FIGN: variants seen among roughly 807,000 people sequenced by gnomAD.
FIGN encodes the protein fidgetin, microtubule severing factor.
A neutral mutation model predicts 51.3 loss-of-function variants in FIGN; 11 were observed. That is an observed-to-expected ratio of 0.21 (90% CI 0.13 to 0.35). The LOEUF (loss-of-function observed/expected upper bound fraction) is 0.35. Ranked by LOEUF, FIGN falls within the 10% of genes least tolerant of loss-of-function variation. FIGN has a pLI of 1.00. For missense variants in FIGN, 857 were observed against 943.6 expected, an observed-to-expected ratio of 0.91 and a Z score of 1.20; for synonymous variants, 407 against 363.2, an observed-to-expected ratio of 1.12 and a Z score of -1.37.
At chr2:163,676,450 T>C (rs1172210961) in intron 2 of FIGN, among the ~76,000 whole-genome samples, 4 of 71,506 alleles carry the variant, frequency 5.6e-5, no homozygotes, top group African/African-American at 1.2e-4. Context: ...TATATATATA[T>C]ATATATATAT....
chr2:163,727,161 A>G (rs544594555), intron 2 of FIGN, among the ~76,000 whole-genome samples: 3 of 152,244 alleles, frequency 2.0e-5, no homozygotes, highest in Admixed American at 2.0e-4. Flanking sequence ...GCACAACAAT[A>G]TACTATATTG....
intron 2 of FIGN, among the ~76,000 whole-genome samples, chr2:163,685,759 TGGA>T (rs2105341919): frequency 6.6e-6 from 1 of 152,318 alleles, no homozygotes; most frequent in Non-Finnish European, 1.5e-5. Flanking sequence ...ACAGTGTTAC[TGGA>T]GGAATAACTA....
In FIGN at chr2:163,734,887, T is replaced by C. The variant is rs1464520109; in HGVS notation, c.25+16A>G. On this transcript the variant is annotated intron_variant, in intron 2 of 2. Transcript: ENST00000333129. ...CTATTTAGATGCAAAGGAAGTAAAT[T>C]CCAAAACTGACATACCATAAACACT... 6.2e-7 allele frequency: 1 copy of C among 1,602,588 alleles called. No homozygotes were observed.
intron 2 of FIGN, among the ~76,000 whole-genome samples, chr2:163,709,008 C>T (rs1327538896): frequency 6.6e-6 from 1 of 151,586 alleles, no homozygotes; most frequent in Non-Finnish European, 1.5e-5. Context: ...CCTGAAGAGT[C>T]TAAGGTACCG....
At position 163,735,124 on chromosome 2, in the gene FIGN, A is replaced by G. The variant is rs1684994288; in HGVS notation, c.-145-52T>C. The G allele has an allele frequency of 9.1e-6, 5 of 551,830 alleles. No homozygotes were observed. The South Asian group carries it at 1.2e-4, about 13-fold the overall frequency. 34.2% of individuals were successfully genotyped at this position (551,830 alleles called of 1,614,324 possible). A position where few individuals can be genotyped will look rare whatever the true frequency, so the allele number is the denominator to read the frequency against. ...GCAACATCAACAAAAAGGGGATCTC[A>G]GATCACAGGAGAAGAAAGAAAGGAA... On this transcript the variant is annotated intron_variant, in intron 1 of 2. Coordinates refer to ENST00000333129, the MANE Select transcript of FIGN (RefSeq NM_018086.4).
Position 163,610,380 on chromosome 2 carries a change from G to T in FIGN, c.1452C>A (p.Asp484Glu). 1.9e-6 allele frequency: 3 copies of T among 1,614,156 alleles called. No individual in the cohort carries two copies. The highest frequency in any genetic ancestry group is 1.7e-6 in the Non-Finnish European group (2 of 1,180,022). ...NEIITQGPPVDWNDIAGLDLV... is the reference protein window; with the variant it reads ...NEIITQGPPVEWNDIAGLDLV... ...GGTCGAGACCAGCAATGTCATTCCA[G>T]TCCACTGGAGGTCCTTGGGTGATAA... Residue 484 changes from aspartate to glutamate, a missense_variant, in exon 3 of 3, where the codon GAC (aspartate) becomes GAA (glutamate). This residue lies in a region of FIGN where 799 missense variants were observed against 849.5 expected (regional missense o/e 0.94). Coordinates refer to ENST00000333129, the MANE Select transcript of FIGN (RefSeq NM_018086.4).
At chr2:163,661,261 A>G (rs1191224245) in intron 2 of FIGN, among the ~76,000 whole-genome samples, 2 of 151,300 alleles carry the variant, frequency 1.3e-5, no homozygotes, top group African/African-American at 2.4e-5. Context: ...ATTTTTTGAG[A>G]CAGAGTCTCA....
At chr2:163,706,152 A>G (rs1014801466) in intron 2 of FIGN, among the ~76,000 whole-genome samples, 10 of 152,164 alleles carry the variant, frequency 6.6e-5, no homozygotes, top group African/African-American at 2.4e-4. Context: ...GTTAAATGCT[A>G]CGCAAATTTA....
At chr2:163,735,587 C>T (rs1391130632) in intron 1 of FIGN, among the ~76,000 whole-genome samples, 1 of 152,212 alleles carries the variant, frequency 6.6e-6, no homozygotes, top group Non-Finnish European at 1.5e-5. Context: ...ATCGCGAACT[C>T]TTAATCCCAT....
chr2:163,705,613 C>G (rs1684487320), intron 2 of FIGN, among the ~76,000 whole-genome samples: 1 of 151,442 alleles, frequency 6.6e-6, no homozygotes, highest in South Asian at 2.1e-4. Flanking sequence ...ACTATGTAAA[C>G]TCTATTTTAT....
intron 2 of FIGN, among the ~76,000 whole-genome samples, chr2:163,645,831 T>C (rs1034003567): frequency 6.6e-6 from 1 of 152,142 alleles, no homozygotes; most frequent in Non-Finnish European, 1.5e-5. Context: ...AGAAAGTATA[T>C]ACTGGTCATT....
chr2:163,645,077 T>G (rs1327402202), intron 2 of FIGN, among the ~76,000 whole-genome samples: 1 of 152,182 alleles, frequency 6.6e-6, no homozygotes, highest in Non-Finnish European at 1.5e-5. Flanking sequence ...AAGTAAATTG[T>G]ATGGTATGTG....
intron 2 of FIGN, among the ~76,000 whole-genome samples, chr2:163,695,179 G>A (rs1427292367): frequency 1.3e-5 from 2 of 152,060 alleles, no homozygotes; most frequent in African/African-American, 2.4e-5. Flanking sequence ...TCCTTAGAAG[G>A]TGTCTATATT....
chr2:163,643,398 C>G lies in FIGN; in HGVS notation c.26-31592G>C, dbSNP rs375342219. 9.2e-5 allele frequency among the ~76,000 whole-genome samples: 14 copies of G among 152,238 alleles called. No individual in the cohort carries two copies. The South Asian group carries it at 2.7e-3, about 29-fold the overall frequency. The stretch of plus-strand genomic sequence containing the variant: ...AGGGGTGGTAGCTGATGCTTGTAAT[C>G]CCAGCATTTTGGGAGGCCAAGGCAG... On this transcript the variant is annotated intron_variant, in intron 2 of 2. Transcript: ENST00000333129.
chr2:163,715,757 A>G (rs1684657575), intron 2 of FIGN, among the ~76,000 whole-genome samples: 1 of 152,206 alleles, frequency 6.6e-6, no homozygotes, highest in African/African-American at 2.4e-5. Flanking sequence ...AGCATTTCTG[A>G]AAGGACTTTA....
chr2:163,657,930 T>C (rs74707891), intron 2 of FIGN, among the ~76,000 whole-genome samples: 2,871 of 152,230 alleles, frequency 0.019, 104 homozygotes, highest in African/African-American at 0.066. Flanking sequence ...AATATAAACT[T>C]ACAAGCTGGG....
At chr2:163,641,547 G>A (rs532243264) in intron 2 of FIGN, among the ~76,000 whole-genome samples, 8 of 152,306 alleles carry the variant, frequency 5.3e-5, no homozygotes, top group East Asian at 3.9e-4. Flanking sequence ...TCTAGGAAAC[G>A]TTCCATTATA....
Position 163,735,018 on chromosome 2 carries a change from C to T in FIGN, c.-91G>A. 4 of 1,362,068 alleles carry T rather than the reference C, an allele frequency of 2.9e-6. No homozygotes were observed. Among genetic ancestry groups the T allele is most frequent in the Admixed American group, 1.8e-5 (1 of 55,192 alleles). The allele number at this position is 1,362,068 out of a possible 1,614,324, so 84.4% of individuals were successfully genotyped here. ...TCATTAAAGCCACTTTTCCTCTCAG[C>T]TATCAAATGTCACTGCCTTGAAACG... On this transcript the variant is annotated 5_prime_UTR_variant, in exon 2 of 3. Coordinates refer to ENST00000333129, the MANE Select transcript of FIGN (RefSeq NM_018086.4).
At chr2:163,668,531 T>A (rs1683821778) in intron 2 of FIGN, among the ~76,000 whole-genome samples, 1 of 152,238 alleles carries the variant, frequency 6.6e-6, no homozygotes, top group African/African-American at 2.4e-5. Flanking sequence ...AAAGCCTGAT[T>A]TGAATTGAAT....
Sources: gnomAD v4.1 joint callset for allele counts (sites outside exome capture counted in the v4.1 genomes callset) on GRCh38, gnomAD v4.1.1 for gene constraint, gnomAD v4.1.1 regional missense constraint, MANE v1.5 for transcripts, NCBI Gene and HGNC (gene_info 2026-07-23, HGNC 2026-07-21) for gene names.